The following CFAP70 variants were observed in gnomAD, a reference collection of about 807,000 sequenced individuals.
The protein encoded by CFAP70 is cilia and flagella associated protein 70.
In CFAP70, 81 loss-of-function variants were observed where a neutral mutation model predicts 137.6. That is an observed-to-expected ratio of 0.59 (90% confidence interval 0.49 to 0.71). The LOEUF (loss-of-function observed/expected upper bound fraction) is 0.71. Among genes scored for constraint, CFAP70 ranks in the 30% least tolerant of loss-of-function variants. CFAP70 has a pLI of 0.00. For missense variants in CFAP70, 976 were observed against 1,226.7 expected (o/e 0.80, Z 3.05); for synonymous variants, 382 against 423.6 (o/e 0.90, Z 1.20).
chr10:73,305,478 T>C (rs1236978506), intron 12 of CFAP70, among the ~76,000 whole-genome samples: 2 of 152,204 alleles, frequency 1.3e-5, no homozygotes, highest in Non-Finnish European at 2.9e-5. Context: ...CACCACTGAT[T>C]GATCTACAGG....
intron 25 of CFAP70, among the ~76,000 whole-genome samples, chr10:73,266,402 G>C (rs1047161387): frequency 6.6e-6 from 1 of 151,966 alleles, no homozygotes; most frequent in Non-Finnish European, 1.5e-5. Flanking sequence ...ATTTCAGTTT[G>C]CTTGTAGATT....
At chr10:73,307,473 T>A (rs1443458528) in intron 12 of CFAP70, among the ~76,000 whole-genome samples, 3 of 152,190 alleles carry the variant, frequency 2.0e-5, no homozygotes, top group African/African-American at 7.2e-5. Context: ...GTCTACAAGA[T>A]ACTCCCTTTA....
At chr10:73,339,166 T>C (rs7097514) in intron 6 of CFAP70, among the ~76,000 whole-genome samples, 16,058 of 151,442 alleles carry the variant, frequency 0.11, 1,224 homozygotes, top group East Asian at 0.31. Context: ...GATCCACCTG[T>C]CTCGGCCTCC....
chr10:73,298,842 T>C (rs2048726921), intron 14 of CFAP70, 65 bp downstream of exon 15: 9 of 1,401,368 alleles, frequency 6.4e-6, no homozygotes, highest in Non-Finnish European at 9.0e-6. Context: ...GAAAATGTGA[T>C]GTGGGTATGT....
chr10:73,348,263 A>G (rs1323034416), intron 4 of CFAP70, 28 bp from the exon 5 acceptor site: 1 of 1,611,906 alleles, frequency 6.2e-7, no homozygotes, highest in Non-Finnish European at 8.5e-7. Context: ...AGTTGAGCCA[A>G]AGAAGAAAGG....
At chr10:73,296,286 C>A (rs2048539897) in intron 15 of CFAP70, 1 of 152,210 alleles carries the variant, frequency 6.6e-6, no homozygotes, top group Non-Finnish European at 1.5e-5. Context: ...CAAATCAAAT[C>A]ATCCATGCCC....
exon 3 of CFAP70, chr10:73,353,578 G>A: frequency 1.2e-6 from 2 of 1,614,066 alleles, no homozygotes; most frequent in South Asian, 1.1e-5. Flanking sequence ...TGTGAGCGAG[G>A]TCATCTGAAG....
At chr10:73,344,628 C>T (rs1048005986) in intron 5 of CFAP70, among the ~76,000 whole-genome samples, 2 of 152,132 alleles carry the variant, frequency 1.3e-5, no homozygotes, top group East Asian at 3.9e-4. Flanking sequence ...AGCCTTTTAG[C>T]AAGCAAGTTA....
chr10:73,350,622 T>TA (rs1179147597), intron 3 of CFAP70, among the ~76,000 whole-genome samples: 7 of 152,056 alleles, frequency 4.6e-5, no homozygotes, highest in South Asian at 4.2e-4. Flanking sequence ...TATATATATA[T>TA]TTTTTTTCTG....
At chr10:73,288,368 A>T (rs951053372) in intron 19 of CFAP70, among the ~76,000 whole-genome samples, 10 of 152,206 alleles carry the variant, frequency 6.6e-5, no homozygotes, top group Admixed American at 2.6e-4. Flanking sequence ...CTCAGCAGAG[A>T]ATAGTATGTT....
At chr10:73,269,388 A>T (rs139084467) in intron 25 of CFAP70, among the ~76,000 whole-genome samples, 123 of 152,330 alleles carry the variant, frequency 8.1e-4, no homozygotes, top group African/African-American at 2.8e-3. Flanking sequence ...TCCTATTTTT[A>T]GAACTTCCTT....
At chr10:73,341,456 A>G (rs767757307) in exon 6 of CFAP70, 31 of 1,614,102 alleles carry the variant, frequency 1.9e-5, no homozygotes, top group African/African-American at 2.7e-5. Context: ...CAATGAATGC[A>G]TCAGGAATGT....
chr10:73,342,583 A>G (rs189327386), intron 5 of CFAP70, among the ~76,000 whole-genome samples: 1 of 152,150 alleles, frequency 6.6e-6, no homozygotes. Flanking sequence ...ATAGATAGAT[A>G]AAGAACAGGA....
intron 19 of CFAP70, among the ~76,000 whole-genome samples, chr10:73,289,344 G>A (rs974688432): frequency 2.6e-5 from 4 of 151,908 alleles, no homozygotes; most frequent in Admixed American, 6.5e-5. Flanking sequence ...GGAGTGCAGT[G>A]GTGCGGTTTT....
intron 2 of CFAP70, 140 bp from the exon 3 acceptor site, chr10:73,353,882 G>T: frequency 1.4e-6 from 1 of 710,648 alleles, no homozygotes; most frequent in Non-Finnish European, 2.3e-6. Flanking sequence ...AAAAGGAATA[G>T]GTAGAAAAAT....
intron 5 of CFAP70, among the ~76,000 whole-genome samples, chr10:73,344,045 C>A (rs1028213814): frequency 6.6e-6 from 1 of 152,060 alleles, no homozygotes; most frequent in Non-Finnish European, 1.5e-5. Flanking sequence ...TCACTGCAAC[C>A]TCTGCCTCCC....
At chr10:73,361,796 T>C (rs2055020155), upstream of CFAP70, among the ~76,000 whole-genome samples, 1 of 152,164 alleles carries the variant, frequency 6.6e-6, no homozygotes, top group South Asian at 2.1e-4. Flanking sequence ...ATCAAATGTA[T>C]TGCTCATCCC....
At chr10:73,310,377 T>C in intron 11 of CFAP70, 128 bp from the exon 13 acceptor site, 1 of 500,788 alleles carries the variant, frequency 2.0e-6, no homozygotes, top group East Asian at 3.5e-5. Context: ...TACAGTGTGA[T>C]CTCAACTGTT....
intron 14 of CFAP70, 102 bp from the exon 16 acceptor site, chr10:73,297,275 A>C: frequency 3.2e-6 from 4 of 1,269,426 alleles, no homozygotes; most frequent in Non-Finnish European, 4.2e-6. Flanking sequence ...TCAAAATTTC[A>C]GAAAGCGATT....
Sources: allele counts gnomAD v4.1 joint callset (sites outside exome capture counted in the v4.1 genomes callset), GRCh38; gene constraint gnomAD v4.1.1; transcripts MANE v1.5; gene names NCBI Gene and HGNC (gene_info 2026-07-23, HGNC 2026-07-21).